The following HTT-AS variants were observed in gnomAD, a reference collection of about 807,000 sequenced individuals.
HTT-AS encodes HTT antisense RNA (head to head).
chr4:3,059,853 C>T (rs546375822), intron 2 of HTT-AS, among the ~76,000 whole-genome samples: 1 of 151,886 alleles, frequency 6.6e-6, no homozygotes, highest in Non-Finnish European at 1.5e-5. Context: ...GATTACAGGC[C>T]TGAGCCACTG....
chr4:3,047,944 G>A (rs888342533), downstream of HTT-AS, among the ~76,000 whole-genome samples: 2 of 152,178 alleles, frequency 1.3e-5, no homozygotes, highest in Non-Finnish European at 2.9e-5. Context: ...CTACCAAACA[G>A]GGAAGGGCAC....
chr4:3,066,243 C>G (rs1446228545), intron 1 of HTT-AS, among the ~76,000 whole-genome samples: 2 of 152,040 alleles, frequency 1.3e-5, no homozygotes, highest in African/African-American at 2.4e-5. Flanking sequence ...GATCTCAGCT[C>G]ACTGCAACCT....
rs755256326 is a variant in HTT-AS at position 3,057,958 on chromosome 4, A to T, written n.1380+4476T>A. Among the ~76,000 whole-genome samples, 121 of 151,772 alleles carry T rather than the reference A, an allele frequency of 8.0e-4. 1 individual carries two copies. Among genetic ancestry groups the T allele is most frequent in the Admixed American group, 2.0e-4 (3 of 15,240 alleles). ...TGATTATATGCTAAACAAGAGGTGG[A>T]TTATTCATGAGTTTTCCGTGAAAGG... is the stretch of plus-strand genomic sequence containing the variant. On this transcript the variant is annotated intron_variant and non_coding_transcript_variant, in intron 2 of 2. Coordinates refer to ENST00000664062, the Ensembl canonical transcript of HTT-AS.
chr4:3,060,962 G>A (rs969457759), intron 2 of HTT-AS, among the ~76,000 whole-genome samples: 7 of 152,294 alleles, frequency 4.6e-5, no homozygotes, highest in South Asian at 2.1e-4. Context: ...CCATTCTGCC[G>A]CAGGCTGGAA....
At chr4:3,072,933 T>C (rs1480417549) in intron 1 of HTT-AS, among the ~76,000 whole-genome samples, 3 of 152,184 alleles carry the variant, frequency 2.0e-5, no homozygotes, top group South Asian at 4.1e-4. Flanking sequence ...TCGCTGGAAC[T>C]TAATTTTTTT....
chr4:3,072,484 G>A (rs1237841690), intron 1 of HTT-AS, among the ~76,000 whole-genome samples: 3 of 152,228 alleles, frequency 2.0e-5, no homozygotes, highest in African/African-American at 4.8e-5. Context: ...CCAAGCTCAC[G>A]GGGAGGGGTC....
At chr4:3,056,436 G>T (rs1711805737) in intron 2 of HTT-AS, among the ~76,000 whole-genome samples, 1 of 152,204 alleles carries the variant, frequency 6.6e-6, no homozygotes, top group African/African-American at 2.4e-5. Context: ...GTGAAATATG[G>T]CTGCTGGGAT....
chr4:3,061,693 A>G (rs1392958031), intron 2 of HTT-AS, among the ~76,000 whole-genome samples: 4 of 149,728 alleles, frequency 2.7e-5, no homozygotes, highest in Non-Finnish European at 5.9e-5. Flanking sequence ...AGAAAAAAAA[A>G]AAAAAGGCCT....
At chr4:3,053,790 C>T (rs550889249) in intron 2 of HTT-AS, among the ~76,000 whole-genome samples, 2 of 142,748 alleles carry the variant, frequency 1.4e-5, no homozygotes, top group East Asian at 4.1e-4. Flanking sequence ...TGGAGTTTCA[C>T]TCTTGTTGCC....
At chr4:3,047,298 G>T (rs542118177), downstream of HTT-AS, among the ~76,000 whole-genome samples, 56 of 152,222 alleles carry the variant, frequency 3.7e-4, 1 homozygote, top group South Asian at 0.012. Context: ...GTGACAGAGC[G>T]AGACTCTGTC....
chr4:3,058,579 C>CCT, intron 2 of HTT-AS, among the ~76,000 whole-genome samples: 1 of 152,092 alleles, frequency 6.6e-6, no homozygotes, highest in East Asian at 1.9e-4. Flanking sequence ...CAGCCTCCTA[C>CCT]CTCATCCTGT....
At chr4:3,074,156 T>C (rs1215098751) in intron 1 of HTT-AS, among the ~76,000 whole-genome samples, 6 of 111,296 alleles carry the variant, frequency 5.4e-5, no homozygotes, top group Non-Finnish European at 1.1e-4. Context: ...TCCCCTCCCC[T>C]ATCCCGCTCC....
chr4:3,064,733 G>A (rs1240792004), intron 1 of HTT-AS, among the ~76,000 whole-genome samples: 5 of 152,164 alleles, frequency 3.3e-5, no homozygotes, highest in African/African-American at 9.7e-5. Context: ...ACCTTAGAGA[G>A]CAAATAAAAC....
At chr4:3,065,576 T>C (rs1409355481) in intron 1 of HTT-AS, among the ~76,000 whole-genome samples, 1 of 152,194 alleles carries the variant, frequency 6.6e-6, no homozygotes, top group Non-Finnish European at 1.5e-5. Context: ...GGGTTACCTC[T>C]AGATAAATCC....
At chr4:3,069,027 A>G (rs1204541340) in intron 1 of HTT-AS, among the ~76,000 whole-genome samples, 1 of 152,210 alleles carries the variant, frequency 6.6e-6, no homozygotes, top group Non-Finnish European at 1.5e-5. Flanking sequence ...CAAAAATAGC[A>G]TTTAAATGTT....
chr4:3,062,188 C>G (rs370403310), intron 2 of HTT-AS, among the ~76,000 whole-genome samples: 1 of 151,838 alleles, frequency 6.6e-6, no homozygotes, highest in Non-Finnish European at 1.5e-5. Context: ...TGCCACCACA[C>G]GTGGCTAATG....
chr4:3,072,943 T>C (rs775209726), intron 1 of HTT-AS, among the ~76,000 whole-genome samples: 4 of 152,170 alleles, frequency 2.6e-5, no homozygotes, highest in Non-Finnish European at 4.4e-5. Context: ...TTAATTTTTT[T>C]AGAGACAGTG....
exon 3 of HTT-AS, among the ~76,000 whole-genome samples, chr4:3,049,645 G>A (rs1466691955): frequency 6.6e-6 from 1 of 152,072 alleles, no homozygotes; most frequent in Non-Finnish European, 1.5e-5. Context: ...GTTGCAGTGC[G>A]GATGGCAAGG....
chr4:3,068,507 A>G (rs1181484692), intron 1 of HTT-AS, among the ~76,000 whole-genome samples: 1 of 152,142 alleles, frequency 6.6e-6, no homozygotes, highest in African/African-American at 2.4e-5. Flanking sequence ...TTCCAGGCAG[A>G]AGAAAATGAC....
Sources: gnomAD v4.1 joint callset for allele counts (sites outside exome capture counted in the v4.1 genomes callset) on GRCh38, gnomAD v4.1.1 for gene constraint, MANE v1.5 for transcripts, NCBI Gene and HGNC (gene_info 2026-07-23, HGNC 2026-07-21) for gene names.